The following STK32B variants were observed in gnomAD, a reference collection of about 807,000 sequenced individuals.
STK32B encodes the protein serine/threonine-protein kinase 32B.
Under a neutral mutation model 52.6 loss-of-function variants are expected in STK32B, and 43 were observed. The observed-to-expected ratio is 0.82, with a 90% confidence interval of 0.64 to 1.05. The LOEUF (loss-of-function observed/expected upper bound fraction) is 1.05. STK32B is among the 50% of genes least tolerant of loss of function. The pLI, the probability that STK32B is intolerant of heterozygous loss-of-function variation, is 0.00. For missense variants in STK32B, 621 were observed against 534.6 expected, an observed-to-expected ratio of 1.16 and a Z score of -1.59; for synonymous variants, 238 against 204.3, an observed-to-expected ratio of 1.17 and a Z score of -1.41.
rs146606945 is a variant in STK32B at position 5,437,649 on chromosome 4, C to T, written c.563-9024C>T. On this transcript the variant is annotated intron_variant, in intron 6 of 11. Transcript: ENST00000282908. ...TTTTAGGGGGCAATGATTCGGCCCA[C>T]TACATCTCCAAATGCCTCTGCCTCC... is the stretch of plus-strand genomic sequence containing the variant. Among the ~76,000 whole-genome samples, 27 of 152,328 alleles carry T rather than the reference C, an allele frequency of 1.8e-4. No homozygotes were observed. In the East Asian group the frequency reaches 4.4e-3, roughly 25 times the overall value.
chr4:5,311,915 T>TATATATATA (rs1228362253), intron 3 of STK32B, among the ~76,000 whole-genome samples: 1,722 of 135,468 alleles, frequency 0.013, 26 homozygotes, highest in African/African-American at 0.051. Flanking sequence ...TATATATATA[T>TATATATATA]TTTTTTTTAA....
intron 1 of STK32B, among the ~76,000 whole-genome samples, chr4:5,082,742 A>T (rs200228181): frequency 6.6e-6 from 1 of 152,166 alleles, no homozygotes. Flanking sequence ...AAAAAAAAAA[A>T]ATTGGAAAAT....
intron 1 of STK32B, among the ~76,000 whole-genome samples, chr4:5,123,302 C>T (rs946218468): frequency 3.9e-5 from 6 of 152,156 alleles, no homozygotes; most frequent in East Asian, 1.9e-4. Context: ...ACATGCCTCC[C>T]GGCTGCTATC....
At chr4:5,281,327 A>G (rs1411922429) in intron 3 of STK32B, among the ~76,000 whole-genome samples, 2 of 152,184 alleles carry the variant, frequency 1.3e-5, no homozygotes, top group African/African-American at 4.8e-5. Flanking sequence ...CATTCTCAGC[A>G]AACTAACACA....
chr4:5,372,347 C>T (rs184925309), intron 4 of STK32B, among the ~76,000 whole-genome samples: 1 of 152,244 alleles, frequency 6.6e-6, no homozygotes, highest in Admixed American at 6.5e-5. Context: ...CATCTCTGTC[C>T]AGCCGGGCTG....
intron 3 of STK32B, among the ~76,000 whole-genome samples, chr4:5,207,128 G>A (rs1722622243): frequency 6.6e-6 from 1 of 152,182 alleles, no homozygotes; most frequent in Non-Finnish European, 1.5e-5. Flanking sequence ...TGCTGCCATG[G>A]CAGTGTGGAA....
intron 6 of STK32B, among the ~76,000 whole-genome samples, chr4:5,425,860 T>C (rs1713047393): frequency 6.6e-6 from 1 of 152,202 alleles, no homozygotes; most frequent in Non-Finnish European, 1.5e-5. Flanking sequence ...CAGAAAGTCA[T>C]ATAAATGAGA....
intron 3 of STK32B, among the ~76,000 whole-genome samples, chr4:5,181,833 G>A (rs1720389395): frequency 6.6e-6 from 1 of 152,222 alleles, no homozygotes; most frequent in African/African-American, 2.4e-5. Context: ...AGCAGTGATT[G>A]CTGTGGCAAC....
chr4:5,394,012 T>C lies in STK32B; in HGVS notation c.435-4195T>C, dbSNP rs1736732233. ...CCCTCCAGGTTTTTGTATTTCTCTT[T>C]ACTGCTGCATAAGATTGCCAGCATA... On this transcript the variant is annotated intron_variant, in intron 4 of 11. Coordinates refer to ENST00000282908, the MANE Select transcript of STK32B (RefSeq NM_018401.3). The surrounding 1 kb of genome is among the most constrained non-coding windows in gnomAD (Gnocchi z 4.2). Among the ~76,000 whole-genome samples, 1 of 152,206 alleles carries C rather than the reference T, an allele frequency of 6.6e-6. No homozygotes were observed. The highest frequency in any genetic ancestry group is 2.4e-5 in the African/African-American group (1 of 41,454).
chr4:5,338,199 G>C (rs1490935519), intron 4 of STK32B, among the ~76,000 whole-genome samples: 3 of 152,086 alleles, frequency 2.0e-5, no homozygotes, highest in South Asian at 2.1e-4. Context: ...TTGGCTCTTT[G>C]AACTATTTGC....
At chr4:5,104,998 C>A (rs1223253805) in intron 1 of STK32B, among the ~76,000 whole-genome samples, 3 of 152,154 alleles carry the variant, frequency 2.0e-5, no homozygotes, top group African/African-American at 7.2e-5. Flanking sequence ...ATAGAGTATG[C>A]CTGTGCTCAA....
intron 1 of STK32B, among the ~76,000 whole-genome samples, chr4:5,114,829 G>A (rs772498930): frequency 1.6e-4 from 24 of 152,234 alleles, no homozygotes; most frequent in Admixed American, 2.0e-4. Context: ...ACCCAGGCTC[G>A]TTATTCCACG....
intron 4 of STK32B, among the ~76,000 whole-genome samples, chr4:5,370,092 C>T (rs1301263734): frequency 6.6e-6 from 1 of 151,672 alleles, no homozygotes; most frequent in Non-Finnish European, 1.5e-5. Context: ...GTCAGGCTGT[C>T]TCGAACTCCT....
chr4:5,172,375 G>C lies in STK32B; in HGVS notation c.260+3925G>C, dbSNP rs371648411. 3.6e-3 allele frequency among the ~76,000 whole-genome samples: 551 copies of C among 152,150 alleles called. 7 individuals carry two copies. The highest frequency in any genetic ancestry group is 0.011 in the African/African-American group (475 of 41,532). On this transcript the variant is annotated intron_variant, in intron 3 of 11. Coordinates refer to ENST00000282908, the MANE Select transcript of STK32B (RefSeq NM_018401.3). Reference sequence around the variant, plus strand: ...ATAGGAGTGGTGAGAGAGGGCATCCGTGTCTTGTGCCAGTTTTCAAAGGGA... The same window carrying C: ...ATAGGAGTGGTGAGAGAGGGCATCCCTGTCTTGTGCCAGTTTTCAAAGGGA...
intron 1 of STK32B, among the ~76,000 whole-genome samples, chr4:5,119,905 A>G (rs1453240582): frequency 6.6e-6 from 1 of 152,234 alleles, no homozygotes; most frequent in East Asian, 1.9e-4. Flanking sequence ...TCAATATGCA[A>G]TCTACGCATA....
chr4:5,274,942 G>A (rs945109974), intron 3 of STK32B, among the ~76,000 whole-genome samples: 2 of 152,288 alleles, frequency 1.3e-5, no homozygotes, highest in Non-Finnish European at 2.9e-5. Flanking sequence ...GTTCATGCAC[G>A]GCTAAGTGCC....
chr4:5,417,606 T>G (rs1465584780), intron 6 of STK32B, among the ~76,000 whole-genome samples: 1 of 152,244 alleles, frequency 6.6e-6, no homozygotes, highest in Non-Finnish European at 1.5e-5. Context: ...TCCCTTTATT[T>G]CTTTCTCCCT....
chr4:5,444,925 G>A (rs1356342847), intron 6 of STK32B, among the ~76,000 whole-genome samples: 1 of 152,154 alleles, frequency 6.6e-6, no homozygotes, highest in African/African-American at 2.4e-5. Context: ...TAATCTAAGG[G>A]ACATGTTCTC....
intron 5 of STK32B, among the ~76,000 whole-genome samples, chr4:5,403,272 T>C (rs949549530): frequency 6.6e-6 from 1 of 152,104 alleles, no homozygotes; most frequent in Non-Finnish European, 1.5e-5. Context: ...CCCTCCTCAC[T>C]TCCTCTAATT....
Sources: allele counts gnomAD v4.1 joint callset (sites outside exome capture counted in the v4.1 genomes callset), GRCh38; gene constraint gnomAD v4.1.1; non-coding constraint Gnocchi (gnomAD v3.1); transcripts MANE v1.5; gene names NCBI Gene and HGNC (gene_info 2026-07-23, HGNC 2026-07-21).